Variants in SIPA1L1 observed in about 807,000 individuals in gnomAD.
The protein encoded by SIPA1L1 is signal induced proliferation associated 1 like 1, also known as signal-induced proliferation-associated 1-like protein 1.
In SIPA1L1, 26 loss-of-function variants were observed where a neutral mutation model predicts 162.7. That is an observed-to-expected ratio of 0.16 (90% CI 0.12 to 0.22). SIPA1L1 has a LOEUF of 0.22. Ranked by LOEUF, SIPA1L1 falls within the 10% of genes least tolerant of loss-of-function variation. The probability of loss-of-function intolerance (pLI) is 1.00; values close to 1 mark genes in which losing one functional copy is unlikely to be tolerated. For synonymous variants in SIPA1L1, 829 were observed against 837.4 expected (o/e 0.99, Z 0.17); for missense variants, 1,874 against 2,241.0 (o/e 0.84, Z 3.31).
At chr14:71,376,293 TGTAA>T (rs2039364500) in intron 2 of SIPA1L1, among the ~76,000 whole-genome samples, 1 of 152,118 alleles carries the variant, frequency 6.6e-6, no homozygotes, top group Admixed American at 6.5e-5. Flanking sequence ...GTCCATTTCA[TGTAA>T]GTTGTTGAGT....
chr14:71,364,219 A>G (rs2038071801), intron 2 of SIPA1L1, among the ~76,000 whole-genome samples: 1 of 152,194 alleles, frequency 6.6e-6, no homozygotes, highest in African/African-American at 2.4e-5. Context: ...GGGAGTGAAA[A>G]AGGCAAGTGA....
At chr14:71,395,128 G>T (rs2041078606) in intron 2 of SIPA1L1, among the ~76,000 whole-genome samples, 1 of 152,142 alleles carries the variant, frequency 6.6e-6, no homozygotes, top group South Asian at 2.1e-4. Flanking sequence ...AATTTCATCA[G>T]ATCTACAAAA....
chr14:71,370,096 T>G (rs1595060964), intron 2 of SIPA1L1, among the ~76,000 whole-genome samples: 1 of 137,912 alleles, frequency 7.3e-6, no homozygotes, highest in Non-Finnish European at 1.6e-5. Context: ...TAAACAATCA[T>G]GTCGTCTGCA....
At chr14:71,561,990 G>A (rs763447303) in intron 4 of SIPA1L1, among the ~76,000 whole-genome samples, 4 of 151,914 alleles carry the variant, frequency 2.6e-5, no homozygotes, top group Non-Finnish European at 5.9e-5. Flanking sequence ...ATTTTTTCAC[G>A]TTGTAAAATG....
chr14:71,635,011 C>T (rs919077609), intron 7 of SIPA1L1, among the ~76,000 whole-genome samples: 1 of 151,678 alleles, frequency 6.6e-6, no homozygotes, highest in Non-Finnish European at 1.5e-5. Flanking sequence ...GGCACGGTGG[C>T]TCACACCTGT....
chr14:71,350,300 C>T (rs756527444), intron 2 of SIPA1L1, among the ~76,000 whole-genome samples: 5 of 151,904 alleles, frequency 3.3e-5, no homozygotes, highest in African/African-American at 9.7e-5. Context: ...CCCAGCTACT[C>T]GGGTGGCTGA....
chr14:71,739,887 C>A lies in SIPA1L1; in HGVS notation c.*726C>A, dbSNP rs1199578642. ...CCCCAGGAAGATGGTCCCACTTGTG[C>A]TGCAAGACTCTTTTTTGTTTGGCTT... On this transcript the variant is annotated 3_prime_UTR_variant, in exon 24 of 24. Coordinates refer to ENST00000381232, the MANE Select transcript of SIPA1L1 (RefSeq NM_001386936.1). 6.6e-6 allele frequency: 1 copy of A among 152,220 alleles called. No individual in the cohort carries two copies. The highest frequency in any genetic ancestry group is 1.5e-5 in the Non-Finnish European group (1 of 68,040). 9.4% of individuals were successfully genotyped at this position (152,220 alleles called of 1,614,324 possible). A position where few individuals can be genotyped will look rare whatever the true frequency, so the allele number is the denominator to read the frequency against.
chr14:71,381,524 A>G (rs1272778832), intron 2 of SIPA1L1, among the ~76,000 whole-genome samples: 1 of 152,256 alleles, frequency 6.6e-6, no homozygotes, highest in Non-Finnish European at 1.5e-5. Flanking sequence ...AAATAGAGTT[A>G]TATAACTGAA....
At chr14:71,704,642 T>G in intron 15 of SIPA1L1, 1 of 1,028,264 alleles carries the variant, frequency 9.7e-7, no homozygotes, top group Non-Finnish European at 1.5e-6. Context: ...AACCCCATCT[T>G]GAACGCCAGC....
intron 5 of SIPA1L1, chr14:71,598,144 A>G: frequency 1.1e-6 from 1 of 888,406 alleles, no homozygotes; most frequent in Non-Finnish European, 1.3e-6. Flanking sequence ...ATGACATTAC[A>G]GACAGGTCTG....
chr14:71,477,056 G>T (rs551806774), intron 2 of SIPA1L1, among the ~76,000 whole-genome samples: 1 of 151,950 alleles, frequency 6.6e-6, no homozygotes, highest in African/African-American at 2.4e-5. Context: ...GGAGTTTGAG[G>T]CCAGCCTGGC....
intron 2 of SIPA1L1, among the ~76,000 whole-genome samples, chr14:71,342,426 A>AGTTC (rs2035756648): frequency 1.3e-5 from 2 of 152,222 alleles, no homozygotes; most frequent in African/African-American, 4.8e-5. Flanking sequence ...TGGCTGAACT[A>AGTTC]ATATACATTC....
At chr14:71,682,696 T>C (rs1487599098) in intron 12 of SIPA1L1, among the ~76,000 whole-genome samples, 5 of 152,386 alleles carry the variant, frequency 3.3e-5, no homozygotes, top group South Asian at 2.1e-4. Context: ...TCATACTAAA[T>C]GTTAAGCAGT....
chr14:71,535,263 G>A (rs1283253823), intron 4 of SIPA1L1, among the ~76,000 whole-genome samples: 1 of 152,190 alleles, frequency 6.6e-6, no homozygotes, highest in Admixed American at 6.5e-5. Context: ...TTCTAAACTG[G>A]AAGTATTTAT....
At chr14:71,331,553 G>C (rs2034545176) in intron 2 of SIPA1L1, among the ~76,000 whole-genome samples, 1 of 152,160 alleles carries the variant, frequency 6.6e-6, no homozygotes, top group African/African-American at 2.4e-5. Flanking sequence ...GAGTCCAGTG[G>C]CTTGGGAAAG....
chr14:71,693,409 G>A (rs2081388190), intron 13 of SIPA1L1, among the ~76,000 whole-genome samples: 2 of 152,052 alleles, frequency 1.3e-5, no homozygotes, highest in South Asian at 4.1e-4. Context: ...TGAGGCAGAA[G>A]AATCACTTGA....
chr14:71,588,648 T>C lies in SIPA1L1; in HGVS notation c.776T>C (p.Leu259Ser). ...TGGGKGSGFS[L>S]DVIDGPISQR... ...GGTGGCAAGGGTTCTGGTTTCTCTT[T>C]GGATGTAATAGACGGGCCTATCTCA... The change falls in exon 5 of 24, where the codon TTG (leucine) becomes TCG (serine). Residue 259 changes from leucine to serine, a missense_variant. Transcript: ENST00000381232. This position sits in a 1 kb window ranked among gnomAD's most constrained non-coding sequence, Gnocchi z 4.3. The C allele has an allele frequency of 6.2e-7, 1 of 1,614,070 alleles. No individual in the cohort carries two copies. The highest frequency in any genetic ancestry group is 8.5e-7 in the Non-Finnish European group (1 of 1,179,972).
intron 2 of SIPA1L1, among the ~76,000 whole-genome samples, chr14:71,405,994 G>A (rs774470217): frequency 6.6e-5 from 10 of 152,220 alleles, no homozygotes; most frequent in Non-Finnish European, 1.3e-4. Flanking sequence ...ATGATCATGG[G>A]CAGAAAGAAG....
chr14:71,584,949 G>C (rs571371047), intron 4 of SIPA1L1, among the ~76,000 whole-genome samples: 3 of 152,280 alleles, frequency 2.0e-5, no homozygotes, highest in Admixed American at 1.3e-4. Context: ...TAGGTTTGCT[G>C]TTTCAGTCAA....
Sources: gnomAD v4.1 joint callset for allele counts (sites outside exome capture counted in the v4.1 genomes callset) on GRCh38, gnomAD v4.1.1 for gene constraint, Gnocchi (gnomAD v3.1) non-coding constraint, MANE v1.5 for transcripts, NCBI Gene and HGNC (gene_info 2026-07-23, HGNC 2026-07-21) for gene names.